Variants in NDUFAF7 observed in about 807,000 individuals in gnomAD.
NDUFAF7 encodes NADH:ubiquinone oxidoreductase complex assembly factor 7, also known as protein arginine methyltransferase NDUFAF7, mitochondrial.
A neutral mutation model predicts 47.2 loss-of-function variants in NDUFAF7; 48 were observed. The observed-to-expected ratio is 1.02, with a 90% CI of 0.81 to 1.29. The LOEUF (loss-of-function observed/expected upper bound fraction) is 1.29. Among genes scored for constraint, NDUFAF7 ranks in the 50% most tolerant of loss-of-function variants. The pLI is 0.00. For missense variants in NDUFAF7, 635 were observed against 537.6 expected, an observed-to-expected ratio of 1.18 and a Z score of -1.79; for synonymous variants, 217 against 190.0, an observed-to-expected ratio of 1.14 and a Z score of -1.17.
intron 2 of NDUFAF7, among the ~76,000 whole-genome samples, chr2:37,233,213 C>A (rs1665371452): frequency 6.6e-6 from 1 of 152,198 alleles, no homozygotes; most frequent in South Asian, 2.1e-4. Context: ...GAGATTAAGA[C>A]AGACAGGACC....
At chr2:37,247,765 A>G (rs1667086641) in intron 9 of NDUFAF7, 136 bp downstream of exon 9, 2 of 1,057,010 alleles carry the variant, frequency 1.9e-6, no homozygotes, top group Admixed American at 4.2e-5. Context: ...CAGGTAGTAT[A>G]GGATTTAGTA....
chr2:37,242,043 T>C (rs1434296695), intron 5 of NDUFAF7: 1 of 535,558 alleles, frequency 1.9e-6, no homozygotes, highest in Non-Finnish European at 3.3e-6. Context: ...TTTGTACTTT[T>C]GAGTATTTCC....
Position 37,242,640 on chromosome 2 carries a change from A to G in NDUFAF7, c.628A>G (p.Ser210Gly), listed in dbSNP as rs1666472618. 4 of 1,593,154 alleles carry G rather than the reference A, an allele frequency of 2.5e-6. No homozygotes were observed. The highest frequency in any genetic ancestry group is 3.4e-6 in the Non-Finnish European group (4 of 1,161,550). Residue 210 changes from serine to glycine, a missense_variant, in exon 6 of 10, where the codon AGC becomes GGC. By Grantham distance (56) the Ser-to-Gly change is moderately conservative. Coordinates refer to ENST00000002125, the MANE Select transcript of NDUFAF7 (RefSeq NM_144736.5). Reference sequence around the variant, plus strand: ...GTTTTCCTCTTTTTAAATAGGGTACAGCTTTTATCTTGCACATGAATTTTT... The same window carrying G: ...GTTTTCCTCTTTTTAAATAGGGTACGGCTTTTATCTTGCACATGAATTTTT... The part of the protein sequence containing the change: ...RDLHDVPKGY[S>G]FYLAHEFFDV...
intron 4 of NDUFAF7, among the ~76,000 whole-genome samples, chr2:37,240,465 T>G (rs920216601): frequency 1.8e-4 from 28 of 151,806 alleles, no homozygotes; most frequent in African/African-American, 6.7e-4. Flanking sequence ...TGATGCTTTA[T>G]GGTTTTTGCT....
the NDUFAF7 span, chr2:37,268,461 G>C: frequency 2.5e-6 from 1 of 407,148 alleles, no homozygotes; most frequent in African/African-American, 2.1e-5. Flanking sequence ...CTAGGTGCTA[G>C]GAATACAAAG....
At chr2:37,241,131 C>G (rs1309612931) in intron 4 of NDUFAF7, among the ~76,000 whole-genome samples, 1 of 151,998 alleles carries the variant, frequency 6.6e-6, no homozygotes, top group East Asian at 1.9e-4. Context: ...ATGTGGCAGA[C>G]CCCCGAGTTA....
downstream of NDUFAF7, among the ~76,000 whole-genome samples, chr2:37,255,670 C>G (rs1296584916): frequency 6.6e-6 from 1 of 152,078 alleles, no homozygotes; most frequent in Non-Finnish European, 1.5e-5. Flanking sequence ...CAGTCTTGTT[C>G]TGAAGATTAG....
the NDUFAF7 span, among the ~76,000 whole-genome samples, chr2:37,258,654 C>T: frequency 1.3e-5 from 2 of 152,094 alleles, no homozygotes; most frequent in Non-Finnish European, 2.9e-5. Context: ...AAACATTGCA[C>T]CAACTATCAG....
chr2:37,267,682 T>C, the NDUFAF7 span: 2 of 615,050 alleles, frequency 3.3e-6, no homozygotes, highest in Admixed American at 6.6e-5. Context: ...TTCACTCACC[T>C]TTAATTTAGG....
downstream of NDUFAF7, among the ~76,000 whole-genome samples, chr2:37,253,916 A>G (rs1667726696): frequency 6.6e-6 from 1 of 152,236 alleles, no homozygotes; most frequent in Non-Finnish European, 1.5e-5. Flanking sequence ...GTAGACATTT[A>G]AAATAAATTT....
downstream of NDUFAF7, chr2:37,251,276 T>C (rs1374430847): frequency 1.3e-5 from 2 of 152,628 alleles, no homozygotes; most frequent in Admixed American, 6.5e-5. Flanking sequence ...GAGGGGAATG[T>C]TTCCTGGAGG....
chr2:37,231,976 C>T, intron 1 of NDUFAF7, 130 bp from the exon 2 acceptor site: 4 of 1,600,358 alleles, frequency 2.5e-6, no homozygotes, highest in Non-Finnish European at 3.4e-6. Context: ...GCGTGCTAAG[C>T]ACAGTAGCCC....
chr2:37,260,694 T>G, the NDUFAF7 span, among the ~76,000 whole-genome samples: 1 of 152,196 alleles, frequency 6.6e-6, no homozygotes, highest in Admixed American at 6.5e-5. Flanking sequence ...ATTTCATGCT[T>G]TCCCTGAATA....
chr2:37,241,470 C>A, intron 4 of NDUFAF7, 108 bp from the exon 5 acceptor site: 2 of 955,176 alleles, frequency 2.1e-6, no homozygotes, highest in Non-Finnish European at 3.2e-6. Context: ...ACACATCTCT[C>A]TGAAATATTA....
At chr2:37,241,998 A>G in intron 5 of NDUFAF7, 1 of 588,944 alleles carries the variant, frequency 1.7e-6, no homozygotes, top group South Asian at 2.1e-5. Flanking sequence ...TATTTCATGA[A>G]GCTTTGTAAA....
chr2:37,231,890 C>T, intron 1 of NDUFAF7, 130 bp downstream of exon 1: 3 of 1,581,358 alleles, frequency 1.9e-6, no homozygotes, highest in Non-Finnish European at 2.6e-6. Context: ...GTACCCTGGG[C>T]TGGAAACGGG....
chr2:37,242,656 A>G lies in NDUFAF7; in HGVS notation c.644A>G (p.His215Arg), dbSNP rs750543865. 1.6e-5 allele frequency: 26 copies of G among 1,602,020 alleles called. No homozygotes were observed. The highest frequency in any genetic ancestry group is 2.2e-5 in the Non-Finnish European group (26 of 1,169,462). Reference protein sequence around the residue: ...VPKGYSFYLAHEFFDVLPVHK... With the variant: ...VPKGYSFYLAREFFDVLPVHK... ...ATAGGGTACAGCTTTTATCTTGCAC[A>G]TGAATTTTTTGATGTTCTTCCTGTG... The change falls in exon 6 of 10, where the codon CAT becomes CGT. Residue 215 changes from histidine (H) to arginine (R), a missense_variant. His to Arg is a conservative substitution (Grantham distance 29, BLOSUM62 0). Transcript: ENST00000002125.
At position 37,241,593 on chromosome 2, in the gene NDUFAF7, G is replaced by A. The variant is rs775141262; in HGVS notation, c.424G>A (p.Gly142Arg). The change falls in exon 5 of 10, where the codon GGA becomes AGA. Residue 142 changes from glycine to arginine, a missense_variant. Coordinates refer to ENST00000002125, the MANE Select transcript of NDUFAF7 (RefSeq NM_144736.5). ...TGGTATTTAGGTGTTCACTCAACTT[G>A]GATCTGTGCTGAAAAATTGTGACAT... ...GDILRVFTQL[G>R]SVLKNCDISV... 1.9e-6 allele frequency: 3 copies of A among 1,613,234 alleles called. No individual in the cohort carries two copies. The highest frequency in any genetic ancestry group is 2.5e-6 in the Non-Finnish European group (3 of 1,179,638).
downstream of NDUFAF7, chr2:37,254,184 G>C: frequency 6.4e-7 from 1 of 1,566,250 alleles, no homozygotes. Flanking sequence ...TTGCCAAAGA[G>C]AGATTACATT....
Sources: allele counts gnomAD v4.1 joint callset (sites outside exome capture counted in the v4.1 genomes callset), GRCh38; gene constraint gnomAD v4.1.1; transcripts MANE v1.5; gene names NCBI Gene and HGNC (gene_info 2026-07-23, HGNC 2026-07-21).